Variants in RFC3 observed in about 807,000 individuals in gnomAD.
RFC3 encodes the protein replication factor C subunit 3.
A neutral mutation model predicts 45.1 loss-of-function variants in RFC3; 41 were observed. The ratio of observed to expected loss-of-function variants is 0.91; its 90% CI spans 0.71 to 1.18. RFC3 has a LOEUF of 1.18. Among genes scored for constraint, RFC3 ranks in the 50% most tolerant of loss-of-function variants. The pLI, the probability that RFC3 is intolerant of heterozygous loss-of-function variation, is 0.00. For synonymous variants in RFC3, 149 were observed against 144.0 expected (o/e 1.03, Z -0.25); for missense variants, 423 against 428.1 (o/e 0.99, Z 0.10).
chr13:33,839,709 T>C (rs924300451), downstream of RFC3, among the ~76,000 whole-genome samples: 3 of 152,222 alleles, frequency 2.0e-5, no homozygotes, highest in Non-Finnish European at 4.4e-5. Flanking sequence ...TTCATTGCTT[T>C]TGTAGACTCA....
chr13:33,968,526 CT>C (rs2137881775), downstream of RFC3, among the ~76,000 whole-genome samples: 1 of 152,342 alleles, frequency 6.6e-6, no homozygotes, highest in South Asian at 2.1e-4. Context: ...GACAACCAGA[CT>C]TTACCAAAGC....
the RFC3 span, among the ~76,000 whole-genome samples, chr13:33,975,960 A>T: frequency 1.3e-5 from 2 of 152,226 alleles, no homozygotes; most frequent in East Asian, 3.8e-4. Context: ...TTCTCTAATA[A>T]AATGAACCAA....
At chr13:33,916,476 G>C (rs192262792) in intron 8 of RFC3, among the ~76,000 whole-genome samples, 1 of 152,134 alleles carries the variant, frequency 6.6e-6, no homozygotes, top group Non-Finnish European at 1.5e-5. Flanking sequence ...CACAAAGTCA[G>C]ATTTCACCTG....
At chr13:33,945,563 T>C (rs763768005) in intron 8 of RFC3, among the ~76,000 whole-genome samples, 8 of 152,200 alleles carry the variant, frequency 5.3e-5, no homozygotes, top group Admixed American at 1.3e-4. Context: ...CTCTTCACCC[T>C]AAAGTTGAGT....
chr13:33,909,147 C>T (rs1280444270), intron 8 of RFC3, among the ~76,000 whole-genome samples: 1 of 152,034 alleles, frequency 6.6e-6, no homozygotes, highest in Non-Finnish European at 1.5e-5. Flanking sequence ...GTTGAAACTA[C>T]CTGTAATATA....
intron 8 of RFC3, among the ~76,000 whole-genome samples, chr13:33,915,574 C>T (rs1479895546): frequency 6.6e-6 from 1 of 152,032 alleles, no homozygotes; most frequent in Non-Finnish European, 1.5e-5. Context: ...ATGCCCATGC[C>T]AGAATTTTGT....
At position 33,827,632 on chromosome 13, in the gene RFC3, A is replaced by T. The variant is rs138983506; in HGVS notation, c.391+1746A>T. Among the ~76,000 whole-genome samples the T allele has an allele frequency of 2.4e-4, 37 of 152,350 alleles. 1 individual carries two copies. In the East Asian group the frequency reaches 5.0e-3, roughly 21 times the overall value. ...GAACAATATTTTACCACCCAATTAC[A>T]GTTGAATTAACCTATTCTTACATGA... On this transcript the variant is annotated intron_variant, in intron 4 of 8. Coordinates refer to ENST00000380071, the MANE Select transcript of RFC3 (RefSeq NM_002915.4).
At chr13:33,888,603 A>T (rs1169431059) in intron 8 of RFC3, among the ~76,000 whole-genome samples, 2 of 152,214 alleles carry the variant, frequency 1.3e-5, no homozygotes. Context: ...ACTGTTAGTG[A>T]CAATGAAAGT....
At chr13:33,910,952 C>G (rs534033172) in intron 8 of RFC3, among the ~76,000 whole-genome samples, 9 of 151,988 alleles carry the variant, frequency 5.9e-5, no homozygotes, top group African/African-American at 1.9e-4. Flanking sequence ...ATGAGAGCAG[C>G]ACGAAAGGGG....
At chr13:33,973,655 C>T in the RFC3 span, among the ~76,000 whole-genome samples, 2 of 134,884 alleles carry the variant, frequency 1.5e-5, no homozygotes, top group Non-Finnish European at 3.3e-5. Flanking sequence ...TCTTCTTCTT[C>T]TTTTTTTTTT....
rs549640784 is a variant in RFC3, at chr13:33,863,639, T to A, written c.879+28422T>A. Among the ~76,000 whole-genome samples the A allele has an allele frequency of 5.3e-5, 8 of 152,342 alleles. No homozygotes were observed. The South Asian group carries it at 1.5e-3, about 28-fold the overall frequency. On this transcript the variant is annotated intron_variant, in intron 8 of 8. Coordinates refer to the RFC3 transcript ENST00000434425. The stretch of plus-strand genomic sequence containing the variant: ...GAGGTTGTCCATGCTGTCCATGTGG[T>A]TGGCTTCTCCCTGGTACAATGACAT...
At chr13:33,850,698 C>T (rs2082271145) in intron 8 of RFC3, 3 of 152,048 alleles carry the variant, frequency 2.0e-5, no homozygotes, top group South Asian at 4.1e-4. Context: ...TTTGAAAATA[C>T]AGTTAACTTA....
chr13:33,856,514 G>A (rs1414673850), intron 8 of RFC3, among the ~76,000 whole-genome samples: 1 of 152,156 alleles, frequency 6.6e-6, no homozygotes, highest in Non-Finnish European at 1.5e-5. Context: ...ATATGGAAAT[G>A]TAATTGTAAA....
At chr13:33,932,140 A>G (rs1165181530) in intron 8 of RFC3, among the ~76,000 whole-genome samples, 1 of 152,090 alleles carries the variant, frequency 6.6e-6, no homozygotes, top group Non-Finnish European at 1.5e-5. Context: ...CCAGCATGAA[A>G]TTTACCATCT....
At chr13:33,824,048 T>A (rs1175946715) in intron 3 of RFC3, 64 bp downstream of exon 3, 6 of 790,474 alleles carry the variant, frequency 7.6e-6, no homozygotes, top group Non-Finnish European at 1.2e-5. Flanking sequence ...TTTCTTTTTT[T>A]AAAAGATTGA....
Position 33,837,416 on chromosome 13 carries a change from A to G in RFC3, c.*1121A>G, listed in dbSNP as rs2082165521. The G allele has an allele frequency of 6.6e-6, 1 of 152,110 alleles. No homozygotes were observed. The highest frequency in any genetic ancestry group is 1.5e-5 in the Non-Finnish European group (1 of 68,002). 9.4% of individuals were successfully genotyped at this position (152,110 alleles called of 1,614,324 possible). On this transcript the variant is annotated 3_prime_UTR_variant, in exon 9 of 9. Transcript: ENST00000380071. ...TTTATTGTTCAATATTTTTGTATAT[A>G]CTTTTAAAGCCTATTCACTTGCTGA...
At chr13:33,954,651 G>T (rs776738404) in intron 8 of RFC3, among the ~76,000 whole-genome samples, 13 of 152,178 alleles carry the variant, frequency 8.5e-5, no homozygotes, top group African/African-American at 3.1e-4. Context: ...TGGCAGATCA[G>T]GTGTCTGCTG....
chr13:33,818,213 C>A lies in RFC3; in HGVS notation c.35C>A (p.Ser12Tyr). 1 of 1,613,668 alleles carries A rather than the reference C, an allele frequency of 6.2e-7. No homozygotes were observed. The highest frequency in any genetic ancestry group is 1.3e-5 in the African/African-American group (1 of 75,062). ...TGGGTGGACAAGTATCGGCCCTGCT[C>A]CTTGGGACGGCTGGACTATCACAAG... is the stretch of plus-strand genomic sequence containing the variant. ...SLWVDKYRPC[S>Y]LGRLDYHKEQ... Residue 12 changes from serine (S) to tyrosine (Y), a missense_variant, in exon 1 of 9, where the codon TCC becomes TAC. Coordinates refer to ENST00000380071, the MANE Select transcript of RFC3 (RefSeq NM_002915.4).
chr13:33,839,791 T>C (rs1441634754), downstream of RFC3, among the ~76,000 whole-genome samples: 1 of 152,226 alleles, frequency 6.6e-6, no homozygotes, highest in Non-Finnish European at 1.5e-5. Flanking sequence ...GGTCTGCTGG[T>C]GAATTATCTT....
Sources: allele counts gnomAD v4.1 joint callset (sites outside exome capture counted in the v4.1 genomes callset), GRCh38; gene constraint gnomAD v4.1.1; transcripts MANE v1.5; gene names NCBI Gene and HGNC (gene_info 2026-07-23, HGNC 2026-07-21).